GULP1: variants seen among roughly 807,000 people sequenced by gnomAD.
GULP1 encodes the protein PTB domain-containing engulfment adapter protein 1.
In GULP1, 19 loss-of-function variants were observed where a neutral mutation model predicts 40.9. The observed-to-expected ratio is 0.46, with a 90% CI of 0.32 to 0.68. GULP1 has a LOEUF of 0.68. Ranked by LOEUF, GULP1 falls within the 30% of genes least tolerant of loss-of-function variation. The pLI is 0.03. For synonymous variants in GULP1, 119 were observed against 117.6 expected (o/e 1.01, Z -0.08); for missense variants, 312 against 362.2 (o/e 0.86, Z 1.12).
chr2:188,331,744 T>A (rs1051589130), intron 1 of GULP1, among the ~76,000 whole-genome samples: 1 of 152,208 alleles, frequency 6.6e-6, no homozygotes, highest in African/African-American at 2.4e-5. Flanking sequence ...AATGCTTGAT[T>A]ATTTCTGATT....
At chr2:188,489,954 T>G (rs1314653042) in intron 4 of GULP1, among the ~76,000 whole-genome samples, 2 of 152,226 alleles carry the variant, frequency 1.3e-5, no homozygotes, top group East Asian at 3.9e-4. Context: ...TGAGATAAAC[T>G]TTCAGTTAAT....
At chr2:188,302,237 C>G (rs970667360) in intron 1 of GULP1, among the ~76,000 whole-genome samples, 2 of 151,992 alleles carry the variant, frequency 1.3e-5, no homozygotes, top group African/African-American at 4.8e-5. Context: ...ATCTTATTAA[C>G]TAGATTTATT....
At chr2:188,590,706 A>G (rs1419191756) in intron 11 of GULP1, 1 of 152,196 alleles carries the variant, frequency 6.6e-6, no homozygotes, top group East Asian at 1.9e-4. Context: ...ACTGTCCAGT[A>G]CATGTCACCA....
intron 2 of GULP1, among the ~76,000 whole-genome samples, chr2:188,422,462 C>T (rs115166782): frequency 0.022 from 3,314 of 151,206 alleles, 132 homozygotes; most frequent in African/African-American, 0.076. Flanking sequence ...ATAGACCTTC[C>T]CCTTAACCCC....
intron 4 of GULP1, among the ~76,000 whole-genome samples, chr2:188,493,292 C>A (rs1314537491): frequency 3.4e-5 from 1 of 29,560 alleles, no homozygotes; most frequent in African/African-American, 4.6e-5. Context: ...CCTTTATTCT[C>A]CTGTAGAAAA....
intron 7 of GULP1, among the ~76,000 whole-genome samples, chr2:188,560,317 G>T (rs941984200): frequency 1.3e-5 from 2 of 152,150 alleles, no homozygotes; most frequent in African/African-American, 2.4e-5. Context: ...TAAGTTATTT[G>T]CTAAGGCATA....
chr2:188,552,975 T>G (rs1221497798), intron 7 of GULP1, among the ~76,000 whole-genome samples: 1 of 151,716 alleles, frequency 6.6e-6, no homozygotes, highest in Non-Finnish European at 1.5e-5. Context: ...ATTGCCTTCT[T>G]GCTTTCCTTC....
At chr2:188,584,018 TTTTGCCATCATC>T (rs1189276136) in intron 9 of GULP1, among the ~76,000 whole-genome samples, 10 of 152,240 alleles carry the variant, frequency 6.6e-5, no homozygotes, top group African/African-American at 2.4e-4. Context: ...TTGTCACCGT[TTTTGCCATCATC>T]TTTGAGAGCA....
At chr2:188,439,848 A>G (rs1001846128) in intron 2 of GULP1, among the ~76,000 whole-genome samples, 3 of 152,166 alleles carry the variant, frequency 2.0e-5, no homozygotes, top group Non-Finnish European at 4.4e-5. Flanking sequence ...ATCATTTTTT[A>G]TGAGTAAGGT....
At chr2:188,556,812 G>C (rs1202244528) in intron 7 of GULP1, among the ~76,000 whole-genome samples, 2 of 152,100 alleles carry the variant, frequency 1.3e-5, no homozygotes, top group African/African-American at 2.4e-5. Context: ...GAGGCGGGTG[G>C]ATCACGAGGT....
rs1704308795 is a variant in GULP1 at position 188,595,644 on chromosome 2, T to C, written c.*1633T>C. 6.6e-6 allele frequency: 1 copy of C among 152,212 alleles called. No homozygotes were observed. Among genetic ancestry groups the C allele is most frequent in the Non-Finnish European group, 1.5e-5 (1 of 67,754 alleles). The allele number at this position is 152,212 out of a possible 1,614,324, so 9.4% of individuals were successfully genotyped here. A position where few individuals can be genotyped will look rare whatever the true frequency, so the allele number is the denominator to read the frequency against. Reference sequence around the variant, plus strand: ...TAGAATTTGTATTTTTATTGTACTTTAAAAAGATTTATGTAATAGGTATAT... The same window carrying C: ...TAGAATTTGTATTTTTATTGTACTTCAAAAAGATTTATGTAATAGGTATAT... On this transcript the variant is annotated 3_prime_UTR_variant, in exon 12 of 12. Transcript: ENST00000409830.
At chr2:188,528,782 A>C (rs1406510631) in intron 5 of GULP1, among the ~76,000 whole-genome samples, 1 of 152,138 alleles carries the variant, frequency 6.6e-6, no homozygotes, top group Non-Finnish European at 1.5e-5. Context: ...AAACAAACTG[A>C]TCTCTACATA....
At chr2:188,582,174 A>G (rs570739245) in intron 9 of GULP1, among the ~76,000 whole-genome samples, 5 of 152,346 alleles carry the variant, frequency 3.3e-5, no homozygotes, top group Non-Finnish European at 5.9e-5. Context: ...GGACTATCAC[A>G]TAGGAAAATC....
chr2:188,464,596 G>T (rs1418711836), intron 2 of GULP1, among the ~76,000 whole-genome samples: 1 of 152,218 alleles, frequency 6.6e-6, no homozygotes, highest in Non-Finnish European at 1.5e-5. Context: ...CTTTAGGGCA[G>T]TGAGTTGCCC....
chr2:188,342,580 C>T (rs2043118543), intron 1 of GULP1, among the ~76,000 whole-genome samples: 1 of 152,138 alleles, frequency 6.6e-6, no homozygotes, highest in Non-Finnish European at 1.5e-5. Context: ...TATTTTTAAA[C>T]CATACTATTT....
chr2:188,440,089 G>A (rs529960624), intron 2 of GULP1, among the ~76,000 whole-genome samples: 21 of 152,190 alleles, frequency 1.4e-4, no homozygotes, highest in Admixed American at 1.3e-3. Flanking sequence ...TGCATATACT[G>A]GAGATCTATC....
intron 2 of GULP1, among the ~76,000 whole-genome samples, chr2:188,403,164 C>A (rs1333079910): frequency 6.6e-6 from 1 of 152,114 alleles, no homozygotes; most frequent in Non-Finnish European, 1.5e-5. Context: ...ATTTAATCTT[C>A]TCCTACACTT....
chr2:188,563,168 GA>G (rs1247373784), intron 7 of GULP1, among the ~76,000 whole-genome samples: 1 of 151,956 alleles, frequency 6.6e-6, no homozygotes, highest in Non-Finnish European at 1.5e-5. Flanking sequence ...CACTACAGTA[GA>G]ATCAATGACA....
intron 2 of GULP1, among the ~76,000 whole-genome samples, chr2:188,441,155 T>C (rs368920103): frequency 2.0e-5 from 3 of 152,164 alleles, no homozygotes; most frequent in Non-Finnish European, 4.4e-5. Context: ...AACATCTATA[T>C]AGTGCTTTAA....
Sources: gnomAD v4.1 joint callset for allele counts (sites outside exome capture counted in the v4.1 genomes callset) on GRCh38, gnomAD v4.1.1 for gene constraint, MANE v1.5 for transcripts, NCBI Gene and HGNC (gene_info 2026-07-23, HGNC 2026-07-21) for gene names.